TMIGD3: variants seen among roughly 807,000 people sequenced by gnomAD.
TMIGD3 encodes AD026 protein (AD026).
Under a neutral mutation model 28.1 loss-of-function variants are expected in TMIGD3, and 21 were observed. The observed-to-expected ratio is 0.75, with a 90% CI of 0.53 to 1.08. The LOEUF (loss-of-function observed/expected upper bound fraction) is 1.08. Among genes scored for constraint, TMIGD3 ranks in the 50% least tolerant of loss-of-function variants. TMIGD3 has a pLI of 0.00. For missense variants in TMIGD3, 416 were observed against 435.6 expected, an observed-to-expected ratio of 0.96 and a Z score of 0.40; for synonymous variants, 151 against 162.1, an observed-to-expected ratio of 0.93 and a Z score of 0.52.
chr1:111,547,656 T>A (rs184522780), intron 1 of TMIGD3, among the ~76,000 whole-genome samples: 1 of 152,326 alleles, frequency 6.6e-6, no homozygotes, highest in East Asian at 1.9e-4. Context: ...TGGTGCCTTT[T>A]ACAGATTTTT....
chr1:111,551,225 T>C (rs1259039422), intron 1 of TMIGD3, among the ~76,000 whole-genome samples: 1 of 152,216 alleles, frequency 6.6e-6, no homozygotes, highest in East Asian at 1.9e-4. Flanking sequence ...AGCTAATTCA[T>C]TCACATTTAA....
In TMIGD3 at chr1:111,491,409, C is replaced by T. The variant is rs113436981; in HGVS notation, c.351-647G>A. Among the ~76,000 whole-genome samples, 944 of 152,346 alleles carry T rather than the reference C, an allele frequency of 6.2e-3. 12 individuals carry two copies. Among genetic ancestry groups the T allele is most frequent in the African/African-American group, 0.019 (809 of 41,584 alleles). ...GCAGCTTCTCCTGATTCTAATGGGA[C>T]TCATGTGCTCTGACCACTGGCTTTA... On this transcript the variant is annotated intron_variant, in intron 1 of 5. Transcript: ENST00000369716.
chr1:111,486,365 G>A (rs1246320557), intron 4 of TMIGD3, among the ~76,000 whole-genome samples: 5 of 150,952 alleles, frequency 3.3e-5, no homozygotes, highest in African/African-American at 1.2e-4. Context: ...TAGCTAGAGG[G>A]CTTTTTTGCT....
intron 1 of TMIGD3, among the ~76,000 whole-genome samples, chr1:111,534,013 T>G (rs1200381213): frequency 3.9e-5 from 6 of 152,156 alleles, no homozygotes; most frequent in Admixed American, 1.3e-4. Flanking sequence ...AGTATCCACT[T>G]CATAGATTTG....
At chr1:111,535,316 T>C (rs1360836019) in intron 1 of TMIGD3, among the ~76,000 whole-genome samples, 4 of 152,114 alleles carry the variant, frequency 2.6e-5, no homozygotes, top group African/African-American at 9.7e-5. Context: ...ACAGAAAAAA[T>C]ATCACACAGA....
chr1:111,543,890 T>TAG (rs1389790057), intron 1 of TMIGD3, among the ~76,000 whole-genome samples: 2 of 152,014 alleles, frequency 1.3e-5, no homozygotes, highest in East Asian at 3.9e-4. Context: ...AGAGAGAGAG[T>TAG]AGACAATGAT....
intron 3 of TMIGD3, among the ~76,000 whole-genome samples, chr1:111,488,115 A>G (rs1306178079): frequency 2.0e-5 from 3 of 152,048 alleles, no homozygotes. Flanking sequence ...ACCTCCGTAT[A>G]CTATTAAATT....
chr1:111,556,983 G>T (rs1178124468), intron 1 of TMIGD3, among the ~76,000 whole-genome samples: 1 of 152,018 alleles, frequency 6.6e-6, no homozygotes, highest in Non-Finnish European at 1.5e-5. Context: ...GTTCAGAACT[G>T]ATAAAAGATG....
chr1:111,509,673 T>C (rs1655627056), intron 1 of TMIGD3, among the ~76,000 whole-genome samples: 1 of 152,248 alleles, frequency 6.6e-6, no homozygotes, highest in Non-Finnish European at 1.5e-5. Flanking sequence ...CAGTGGGAGA[T>C]AAGCAACCTT....
Position 111,503,042 on chromosome 1 carries a change from C to T in TMIGD3, c.313G>A (p.Ala105Thr), listed in dbSNP as rs746154553. 4.3e-6 allele frequency: 7 copies of T among 1,614,038 alleles called. No homozygotes were observed. Among genetic ancestry groups the T allele is most frequent in the Middle Eastern group, 1.6e-4 (1 of 6,082 alleles). The part of the protein sequence containing the change: ...HASIMSLLAI[A>T]VDRYLRVKLT... ...TTGACCCGCAAGTATCGGTCCACAG[C>T]GATGGCCAGCAAGGACATGATGGAG... Residue 105 changes from alanine (A) to threonine (T), a missense_variant, in exon 1 of 6, where the codon GCT becomes ACT. Transcript: ENST00000369716.
rs369265141 is a variant in TMIGD3, at chr1:111,541,618, G to GTAC, written c.107+22225_107+22227dup. Among the ~76,000 whole-genome samples the GTAC allele has an allele frequency of 4.6e-3, 702 of 151,882 alleles. 7 individuals are homozygous for GTAC. The highest frequency in any genetic ancestry group is 0.016 in the African/African-American group (668 of 41,392). ...ATGTCCATTTGGAAATCACTCACAC[G>GTAC]TACTCAATTGTTATAATCACAAGAA... On this transcript the variant is annotated intron_variant, in intron 1 of 5. Transcript: ENST00000369717.
rs1350412265 is a variant in TMIGD3 at position 111,542,365 on chromosome 1, G to C, written c.107+21481C>G. 6.6e-5 allele frequency: 19 copies of C among 286,086 alleles called. 1 individual carries two copies. The highest frequency in any genetic ancestry group is 5.4e-4 in the South Asian group (17 of 31,288). 17.7% of individuals were successfully genotyped at this position (286,086 alleles called of 1,614,324 possible). On this transcript the variant is annotated intron_variant, in intron 1 of 5. Transcript: ENST00000369717. ...TCCTTCCACGTGGGTGAAGGACTGT[G>C]CCAGCTGAGAGGTGGTAGAGCAGGA...
intron 1 of TMIGD3, among the ~76,000 whole-genome samples, chr1:111,522,279 C>T (rs559154286): frequency 1.3e-5 from 2 of 152,314 alleles, no homozygotes; most frequent in East Asian, 3.9e-4. Flanking sequence ...TTAAAATCAG[C>T]TTTTCAATTT....
intron 1 of TMIGD3, among the ~76,000 whole-genome samples, chr1:111,540,917 T>C (rs1656800727): frequency 6.6e-6 from 1 of 152,210 alleles, no homozygotes; most frequent in Non-Finnish European, 1.5e-5. Flanking sequence ...TTACACAAAT[T>C]ATCACATTGA....
chr1:111,553,931 T>C (rs1571462028), intron 1 of TMIGD3, among the ~76,000 whole-genome samples: 1 of 152,372 alleles, frequency 6.6e-6, no homozygotes, highest in Non-Finnish European at 1.5e-5. Context: ...TATTGTGTTA[T>C]TTTCTAGTGG....
In TMIGD3 at chr1:111,502,996, G is replaced by A. The variant is rs189651294; in HGVS notation, c.350+9C>T. On this transcript the variant is annotated intron_variant, in intron 1 of 5. Transcript: ENST00000369716. ...CCTCAATTGCTGCCCACCCCACGCC[G>A]CAGGCTACCTGACGGTAAGCTTGAC... 99 of 1,611,418 alleles carry A rather than the reference G, an allele frequency of 6.1e-5. No homozygotes were observed. Among genetic ancestry groups the A allele is most frequent in the East Asian group, 3.8e-4 (17 of 44,842 alleles).
upstream of TMIGD3, among the ~76,000 whole-genome samples, chr1:111,507,089 G>T (rs1655534673): frequency 6.8e-6 from 1 of 147,950 alleles, no homozygotes; most frequent in Admixed American, 6.7e-5. Context: ...TGGTTCAGGA[G>T]AATTTCCCAC....
Position 111,503,191 on chromosome 1 carries a change from G to T in TMIGD3, c.164C>A (p.Ala55Asp). ...CACCCCAACAGCAATGTCAGCCAGG[G>T]CTAGAGAGACAATGAAATAGAAGGT... ...TTTFYFIVSLALADIAVGVLV... is the reference protein window; with the variant it reads ...TTTFYFIVSLDLADIAVGVLV... Residue 55 changes from alanine to aspartate, a missense_variant, in exon 1 of 6, where the codon GCC becomes GAC. Coordinates refer to ENST00000369716, the MANE Select transcript of TMIGD3 (RefSeq NM_020683.7). The T allele has an allele frequency of 6.2e-7, 1 of 1,614,262 alleles. No homozygotes were observed. Among genetic ancestry groups the T allele is most frequent in the African/African-American group, 1.3e-5 (1 of 75,070 alleles).
At chr1:111,561,034 AG>A (rs1418709456) in intron 1 of TMIGD3, among the ~76,000 whole-genome samples, 2 of 152,226 alleles carry the variant, frequency 1.3e-5, no homozygotes, top group African/African-American at 4.8e-5. Flanking sequence ...CCAGCGAACA[AG>A]GCTGACTTGA....
Sources: gnomAD v4.1 joint callset for allele counts (sites outside exome capture counted in the v4.1 genomes callset) on GRCh38, gnomAD v4.1.1 for gene constraint, MANE v1.5 for transcripts, NCBI Gene and HGNC (gene_info 2026-07-23, HGNC 2026-07-21) for gene names.